Variants in JAKMIP1 observed in about 807,000 individuals in gnomAD.
The protein encoded by JAKMIP1 is janus kinase and microtubule interacting protein 1, also known as janus kinase and microtubule-interacting protein 1.
JAKMIP1 carries 33 observed loss-of-function variants against 113.0 expected under a neutral mutation model. The ratio of observed to expected loss-of-function variants is 0.29; its 90% CI spans 0.22 to 0.39. The LOEUF (loss-of-function observed/expected upper bound fraction) is 0.39, where lower values mean the gene tolerates loss of function less well. Ranked by LOEUF, JAKMIP1 falls within the 10% of genes least tolerant of loss-of-function variation. The probability of loss-of-function intolerance (pLI) is 1.00; values close to 1 mark genes in which losing one functional copy is unlikely to be tolerated. For synonymous variants in JAKMIP1, 480 were observed against 459.9 expected, an observed-to-expected ratio of 1.04 and a Z score of -0.56; for missense variants, 813 against 1,080.5, an observed-to-expected ratio of 0.75 and a Z score of 3.47.
At position 6,150,391 on chromosome 4, in the gene JAKMIP1, T is replaced by TAAAAGCCTTA. The variant is rs1721423166; in HGVS notation, c.-147-37404_-147-37395dup. ...TTGGCCCCCGGTGTCAGCTTCTAAC[T>TAAAAGCCTTA]AAAAGCCTTACTGTGCAGCGGGCTT... On this transcript the variant is annotated intron_variant, in intron 1 of 20. Coordinates refer to ENST00000409021, the MANE Select transcript of JAKMIP1 (RefSeq NM_001099433.2). The surrounding 1 kb of genome is among the most constrained non-coding windows in gnomAD (Gnocchi z 4.8). 4 of 152,198 alleles carry TAAAAGCCTTA rather than the reference T, an allele frequency of 2.6e-5. No homozygotes were observed. Among genetic ancestry groups the TAAAAGCCTTA allele is most frequent in the Admixed American group, 6.5e-5 (1 of 15,270 alleles). The allele number at this position is 152,198 out of a possible 1,614,324, so 9.4% of individuals were successfully genotyped here.
chr4:6,149,393 C>T (rs1721282754), intron 1 of JAKMIP1, among the ~76,000 whole-genome samples: 1 of 152,178 alleles, frequency 6.6e-6, no homozygotes, highest in Admixed American at 6.5e-5. Flanking sequence ...AGGCCACCCA[C>T]AGCTGACCCT....
rs1719339286 is a variant in JAKMIP1, at chr4:6,136,999, C to A, written c.-147-24002G>T. On this transcript the variant is annotated intron_variant, in intron 1 of 20. Coordinates refer to ENST00000409021, the MANE Select transcript of JAKMIP1 (RefSeq NM_001099433.2). This position sits in a 1 kb window ranked among gnomAD's most constrained non-coding sequence, Gnocchi z 5.9. ...TGGGGAGCCAGGATTCCACCAGGCCCCTGGGACTCTGCAGCCTATTCCCTC... is the reference window on the plus strand; with the variant it reads ...TGGGGAGCCAGGATTCCACCAGGCCACTGGGACTCTGCAGCCTATTCCCTC... Among the ~76,000 whole-genome samples the A allele has an allele frequency of 6.6e-6, 1 of 152,152 alleles. No individual in the cohort carries two copies. The highest frequency in any genetic ancestry group is 6.5e-5 in the Admixed American group (1 of 15,278).
In JAKMIP1 at chr4:6,086,513, T is replaced by C. The variant is rs961178484; in HGVS notation, c.625-884A>G. On this transcript the variant is annotated intron_variant, in intron 3 of 20. Transcript: ENST00000409021. The surrounding 1 kb of genome is among the most constrained non-coding windows in gnomAD (Gnocchi z 4.1). The stretch of plus-strand genomic sequence containing the variant: ...CCAGCCCTGTCTTGTCCAGCCTTCC[T>C]ATGGGGGAGTGTCAGAAAGGACACA... Among the ~76,000 whole-genome samples, 1 of 151,902 alleles carries C rather than the reference T, an allele frequency of 6.6e-6. No individual in the cohort carries two copies. The highest frequency in any genetic ancestry group is 6.6e-5 in the Admixed American group (1 of 15,252).
In JAKMIP1 at chr4:6,061,689, A is replaced by G. The variant is rs1717303960; in HGVS notation, c.1560+623T>C. Among the ~76,000 whole-genome samples the G allele has an allele frequency of 7.5e-6, 1 of 133,476 alleles. No individual in the cohort carries two copies. Among genetic ancestry groups the G allele is most frequent in the Non-Finnish European group, 1.6e-5 (1 of 62,124 alleles). 87.6% of individuals were successfully genotyped at this position (133,476 alleles called of 152,430 possible). A position where few individuals can be genotyped will look rare whatever the true frequency, so the allele number is the denominator to read the frequency against. ...GCTTCAGGGGGCCAGTGTGGGGGTG[A>G]GATGGGGGAGGGGATGCAGGGAAGC... is the stretch of plus-strand genomic sequence containing the variant. On this transcript the variant is annotated intron_variant, in intron 10 of 20. Coordinates refer to ENST00000409021, the MANE Select transcript of JAKMIP1 (RefSeq NM_001099433.2). The surrounding 1 kb of genome is among the most constrained non-coding windows in gnomAD (Gnocchi z 5.3).
At chr4:6,166,194 G>T (rs923493134) in intron 1 of JAKMIP1, among the ~76,000 whole-genome samples, 1 of 152,210 alleles carries the variant, frequency 6.6e-6, no homozygotes, top group East Asian at 1.9e-4. Flanking sequence ...GCTTCTGGGG[G>T]TCTCCAGCCC....
Position 6,129,468 on chromosome 4 carries a change from G to A in JAKMIP1, c.-147-16471C>T, listed in dbSNP as rs1028750366. 1.3e-5 allele frequency among the ~76,000 whole-genome samples: 2 copies of A among 152,098 alleles called. No homozygotes were observed. Among genetic ancestry groups the A allele is most frequent in the Non-Finnish European group, 2.9e-5 (2 of 68,018 alleles). ...CAAGGTTTGAGATCACATTGAAGTC[G>A]ACTGGTTAAACACATCACCCCATTA... On this transcript the variant is annotated intron_variant, in intron 1 of 20. Transcript: ENST00000409021. This position sits in a 1 kb window ranked among gnomAD's most constrained non-coding sequence, Gnocchi z 5.4.
At chr4:6,132,936 G>A (rs774070154) in intron 1 of JAKMIP1, among the ~76,000 whole-genome samples, 1 of 151,980 alleles carries the variant, frequency 6.6e-6, no homozygotes, top group Non-Finnish European at 1.5e-5. Flanking sequence ...GTCAATTAAG[G>A]GAAATGCAAG....
At chr4:6,028,783 C>A (rs938648293) in intron 20 of JAKMIP1, among the ~76,000 whole-genome samples, 10 of 152,232 alleles carry the variant, frequency 6.6e-5, no homozygotes, top group Admixed American at 2.6e-4. Context: ...CCACGGACCT[C>A]CTGGATGGGT....
chr4:6,146,407 C>A (rs1299333292), intron 1 of JAKMIP1, among the ~76,000 whole-genome samples: 1 of 152,148 alleles, frequency 6.6e-6, no homozygotes, highest in Non-Finnish European at 1.5e-5. Context: ...ATCCTCCCAC[C>A]TCAGACCCCA....
chr4:6,166,605 GAAC>G (rs1451801051), intron 1 of JAKMIP1, among the ~76,000 whole-genome samples: 1 of 152,212 alleles, frequency 6.6e-6, no homozygotes, highest in Non-Finnish European at 1.5e-5. Flanking sequence ...ATAATAATGA[GAAC>G]AACAGGTGTG....
chr4:6,036,627 C>T (rs920346584), intron 18 of JAKMIP1, among the ~76,000 whole-genome samples: 4 of 152,196 alleles, frequency 2.6e-5, no homozygotes, highest in South Asian at 2.1e-4. Context: ...AGCAAGCCAC[C>T]CTTTTTGGCA....
intron 16 of JAKMIP1, among the ~76,000 whole-genome samples, chr4:6,046,744 C>A (rs367608443): frequency 6.6e-6 from 1 of 152,166 alleles, no homozygotes. Context: ...GGATGAGGAG[C>A]GCTGGGGACC....
At chr4:6,095,179 A>C (rs1711538166) in intron 3 of JAKMIP1, among the ~76,000 whole-genome samples, 1 of 149,302 alleles carries the variant, frequency 6.7e-6, no homozygotes, top group Non-Finnish European at 1.5e-5. Context: ...AGGGAAGGAA[A>C]GGAAGAAGAA....
chr4:6,056,920 C>T lies in JAKMIP1; in HGVS notation c.1645-161G>A, dbSNP rs550523689. Among the ~76,000 whole-genome samples the T allele has an allele frequency of 3.9e-5, 6 of 152,280 alleles. No individual in the cohort carries two copies. The East Asian group carries it at 7.7e-4, about 20-fold the overall frequency. On this transcript the variant is annotated intron_variant, in intron 11 of 20. Transcript: ENST00000409021. ...CTCATTGTCCCTGTCCACTTTTAAA[C>T]CCCAAAAAGAGAAACGGCTGGTTTG...
rs758542344 is a variant in JAKMIP1, at chr4:6,081,943, A to C, written c.955-188T>G. ...CAGCCTCAGTTTCCTCATCTATCAA[A>C]TGAGAATCACGGCAGCTCCTGTCTC... On this transcript the variant is annotated intron_variant, in intron 5 of 20. Transcript: ENST00000409021. This position sits in a 1 kb window ranked among gnomAD's most constrained non-coding sequence, Gnocchi z 4.6. Among the ~76,000 whole-genome samples the C allele has an allele frequency of 9.2e-4, 140 of 152,312 alleles. No homozygotes were observed. The highest frequency in any genetic ancestry group is 6.8e-3 in the Middle Eastern group (2 of 294).
Position 6,067,844 on chromosome 4 carries a change from ACG to A in JAKMIP1, c.1303-2838_1303-2837del. Among the ~76,000 whole-genome samples, 3 of 151,652 alleles carry A rather than the reference ACG, an allele frequency of 2.0e-5. No individual in the cohort carries two copies. Among genetic ancestry groups the A allele is most frequent in the African/African-American group, 7.3e-5 (3 of 41,202 alleles). On this transcript the variant is annotated intron_variant, in intron 8 of 20. Coordinates refer to ENST00000409021, the MANE Select transcript of JAKMIP1 (RefSeq NM_001099433.2). This position sits in a 1 kb window ranked among gnomAD's most constrained non-coding sequence, Gnocchi z 4.6. ...CACGTTCACTCAAGCTCTTCTGCAC[ACG>A]CAGGTCACCCCCCTGAGCTCCACGT...
rs920031146 is a variant in JAKMIP1 at position 6,124,178 on chromosome 4, G to A, written c.-147-11181C>T. 7.2e-5 allele frequency among the ~76,000 whole-genome samples: 11 copies of A among 152,306 alleles called. No individual in the cohort carries two copies. The East Asian group carries it at 1.2e-3, about 16-fold the overall frequency. On this transcript the variant is annotated intron_variant, in intron 1 of 20. Transcript: ENST00000409021. ...TCTCCATCCATAATGGGGGTGGGCC[G>A]TGCGGACGGCACCACGTGGAACGAG...
chr4:6,190,221 A>G (rs1727101794), intron 1 of JAKMIP1, among the ~76,000 whole-genome samples: 1 of 152,126 alleles, frequency 6.6e-6, no homozygotes, highest in Non-Finnish European at 1.5e-5. Context: ...CTGCAATGCC[A>G]GGCTAAATTT....
At chr4:6,172,866 G>C (rs905781112) in intron 1 of JAKMIP1, among the ~76,000 whole-genome samples, 1 of 152,112 alleles carries the variant, frequency 6.6e-6, no homozygotes, top group Non-Finnish European at 1.5e-5. Flanking sequence ...ATCGAGTGCA[G>C]AGGGTGAAAC....
Sources: allele counts gnomAD v4.1 joint callset (sites outside exome capture counted in the v4.1 genomes callset), GRCh38; gene constraint gnomAD v4.1.1; non-coding constraint Gnocchi (gnomAD v3.1); transcripts MANE v1.5; gene names NCBI Gene and HGNC (gene_info 2026-07-23, HGNC 2026-07-21).